The following DPF3 variants were observed in gnomAD, a reference collection of about 807,000 sequenced individuals.
DPF3 encodes the protein double PHD fingers 3.
In DPF3, 18 loss-of-function variants were observed where a neutral mutation model predicts 56.8. That is an observed-to-expected ratio of 0.32 (90% CI 0.22 to 0.47). DPF3 has a LOEUF of 0.47. Ranked by LOEUF, DPF3 falls within the 20% of genes least tolerant of loss-of-function variation. DPF3 has a pLI of 1.00. For missense variants in DPF3, 403 were observed against 488.8 expected, an observed-to-expected ratio of 0.82 and a Z score of 1.65; for synonymous variants, 188 against 180.2, an observed-to-expected ratio of 1.04 and a Z score of -0.35.
At chr14:72,876,238 C>T (rs931642903) in intron 1 of DPF3, among the ~76,000 whole-genome samples, 1 of 152,170 alleles carries the variant, frequency 6.6e-6, no homozygotes, top group Non-Finnish European at 1.5e-5. Flanking sequence ...AGTGTGGGCC[C>T]CACAGGGTGT....
At position 72,613,093 on chromosome 14, in the gene DPF3, A is replaced by G. The variant is rs538566500; in HGVS notation, c.*6204T>C. Among the ~76,000 whole-genome samples the G allele has an allele frequency of 5.9e-5, 9 of 152,276 alleles. No individual in the cohort carries two copies. In the South Asian group the frequency reaches 1.7e-3, roughly 28 times the overall value. On this transcript the variant is annotated 3_prime_UTR_variant, in exon 11 of 11. Coordinates refer to ENST00000556509, the MANE Select transcript of DPF3 (RefSeq NM_001280542.3). Reference sequence around the variant, plus strand: ...ATTCCTGTTCTCATCATCAATATTCATAACATTGAAATGAAGAACAGAGAT... The same window carrying G: ...ATTCCTGTTCTCATCATCAATATTCGTAACATTGAAATGAAGAACAGAGAT...
chr14:72,707,095 C>A (rs1023529442), intron 6 of DPF3, among the ~76,000 whole-genome samples: 1 of 151,696 alleles, frequency 6.6e-6, no homozygotes, highest in Non-Finnish European at 1.5e-5. Flanking sequence ...TTTGTTCTTG[C>A]GATAGTTTAC....
intron 8 of DPF3, among the ~76,000 whole-genome samples, chr14:72,645,249 G>A (rs1279987655): frequency 3.3e-5 from 5 of 151,976 alleles, no homozygotes; most frequent in Admixed American, 3.3e-4. Context: ...GTATTGCTAC[G>A]GTCACATACT....
chr14:72,731,913 T>C lies in DPF3; in HGVS notation c.323A>G (p.Lys108Arg). Residue 108 changes from lysine (K) to arginine (R), a missense_variant, in exon 4 of 11, where the codon AAG becomes AGG. By Grantham distance (26) the Lys-to-Arg change is conservative. Around this residue, in one of 2 missense-constraint regions of DPF3, gnomAD observed 340 missense variants for 374.3 expected, o/e 0.91. Transcript: ENST00000556509. ...IKPEVELPLK[K>R]DGFTSESTTL... ...GGTGCTCTCTGAGGTGAACCCATCC[T>C]TCTTCAGGGGAAGCTCCACTTCTGA... 1 of 1,594,010 alleles carries C rather than the reference T, an allele frequency of 6.3e-7. No individual in the cohort carries two copies. Among genetic ancestry groups the C allele is most frequent in the Non-Finnish European group, 8.5e-7 (1 of 1,170,150 alleles).
At chr14:72,860,964 C>G (rs1885371316) in intron 1 of DPF3, among the ~76,000 whole-genome samples, 1 of 151,924 alleles carries the variant, frequency 6.6e-6, no homozygotes, top group Admixed American at 6.6e-5. Flanking sequence ...TTAGGCTTCC[C>G]CAAGTAGGAA....
At chr14:72,776,882 G>A (rs1314670706) in intron 1 of DPF3, among the ~76,000 whole-genome samples, 1 of 149,338 alleles carries the variant, frequency 6.7e-6, no homozygotes, top group African/African-American at 2.4e-5. Flanking sequence ...GGGGGTGGGG[G>A]CCGAGGCTAT....
Position 72,693,146 on chromosome 14 carries a change from G to C in DPF3, c.672C>G (p.Ser224Arg). The C allele has an allele frequency of 1.2e-6, 2 of 1,613,952 alleles. No homozygotes were observed. Among genetic ancestry groups the C allele is most frequent in the South Asian group, 2.2e-5 (2 of 91,080 alleles). Residue 224 changes from serine (S) to arginine (R), a missense_variant, in exon 7 of 11, where the codon AGC (serine) becomes AGG (arginine). Physicochemically the swap from Ser to Arg is moderately radical, Grantham distance 110 (BLOSUM62 -1). Transcript: ENST00000556509. Reference sequence around the variant, plus strand: ...GGTCTTGAGCTTCATCCCCCTCCTCGCTGGCCAGGTGAGTGTGAGCATAGT... The same window carrying C: ...GGTCTTGAGCTTCATCCCCCTCCTCCCTGGCCAGGTGAGTGTGAGCATAGT... ...SYHYAHTHLA[S>R]EEGDEAQDQE...
intron 7 of DPF3, among the ~76,000 whole-genome samples, chr14:72,677,588 A>G (rs1166424545): frequency 1.3e-5 from 2 of 150,896 alleles, no homozygotes; most frequent in African/African-American, 4.9e-5. Flanking sequence ...GACCAGGTCT[A>G]ACCCGTTGTT....
At chr14:72,820,237 TATTCTTAATATACAAA>T (rs140670825) in intron 1 of DPF3, among the ~76,000 whole-genome samples, 4 of 152,304 alleles carry the variant, frequency 2.6e-5, no homozygotes, top group Admixed American at 6.5e-5. Context: ...GACAAATTAA[TATTCTTAATATACAAA>T]ATGTCATGCA....
At chr14:72,834,126 C>A (rs1195564535) in intron 1 of DPF3, among the ~76,000 whole-genome samples, 1 of 151,360 alleles carries the variant, frequency 6.6e-6, no homozygotes, top group African/African-American at 2.4e-5. Flanking sequence ...TGCCGTGAGC[C>A]GAGACTGCGC....
chr14:72,799,682 T>C (rs1380934981), intron 1 of DPF3, among the ~76,000 whole-genome samples: 1 of 152,038 alleles, frequency 6.6e-6, no homozygotes, highest in Non-Finnish European at 1.5e-5. Context: ...CCCTTAGTGA[T>C]CCGTTCAAGA....
In DPF3 at chr14:72,636,604, C is replaced by T. The variant is rs1885390028; in HGVS notation, c.872-6868G>A. The stretch of plus-strand genomic sequence containing the variant: ...AAGGGATGGACCAATTCTGAGCAAT[C>T]AAAAGTTCAACTCCTTTATGTATAT... On this transcript the variant is annotated intron_variant, in intron 8 of 10. Coordinates refer to ENST00000556509, the MANE Select transcript of DPF3 (RefSeq NM_001280542.3). Among the ~76,000 whole-genome samples, 3 of 152,164 alleles carry T rather than the reference C, an allele frequency of 2.0e-5. No homozygotes were observed. In the South Asian group the frequency reaches 6.2e-4, roughly 32 times the overall value.
At chr14:72,629,024 G>A (rs1172031268) in intron 9 of DPF3, among the ~76,000 whole-genome samples, 1 of 152,134 alleles carries the variant, frequency 6.6e-6, no homozygotes, top group African/African-American at 2.4e-5. Flanking sequence ...CAAATAAACA[G>A]GCTGTAATAG....
chr14:72,709,631 G>A (rs1888569264), intron 6 of DPF3, among the ~76,000 whole-genome samples: 2 of 152,124 alleles, frequency 1.3e-5, no homozygotes, highest in Non-Finnish European at 1.5e-5. Context: ...TATGTAAGGG[G>A]CAGTTAGTAT....
rs1267897867 is a variant in DPF3 at position 72,609,526 on chromosome 14, TGA to T, written c.*9769_*9770del. 1.6e-4 allele frequency among the ~76,000 whole-genome samples: 24 copies of T among 152,186 alleles called. No individual in the cohort carries two copies. The highest frequency in any genetic ancestry group is 4.4e-5 in the Non-Finnish European group (3 of 68,036). ...GCCTCAATCTCCAACACTGAAACAC[TGA>T]GAGAGCTTGATACGTTCCTTAGGCA... On this transcript the variant is annotated 3_prime_UTR_variant, in exon 11 of 11. Transcript: ENST00000556509.
intron 1 of DPF3, among the ~76,000 whole-genome samples, chr14:72,853,626 C>T (rs1245557801): frequency 1.3e-5 from 2 of 152,010 alleles, no homozygotes; most frequent in Non-Finnish European, 2.9e-5. Flanking sequence ...AGGCGCGGAC[C>T]ACCATGCCTG....
chr14:72,874,462 G>A (rs1249142646), intron 1 of DPF3, among the ~76,000 whole-genome samples: 2 of 151,012 alleles, frequency 1.3e-5, no homozygotes, highest in Admixed American at 6.6e-5. Flanking sequence ...CTAGGCAACA[G>A]AGCAAGACTC....
In DPF3 at chr14:72,894,053, T is replaced by A; in HGVS notation, c.32+4A>T. 6.2e-7 allele frequency: 1 copy of A among 1,610,798 alleles called. No individual in the cohort carries two copies. The highest frequency in any genetic ancestry group is 8.5e-7 in the Non-Finnish European group (1 of 1,178,844). ...GAATATGTACATTTTTTAGTCTTAC[T>A]TACGCTTTCAGGGGGTTGTGAATGA... On this transcript the variant is annotated splice_donor_region_variant and intron_variant, in intron 1 of 10. Transcript: ENST00000556509.
At chr14:72,777,029 G>C (rs1453635071) in intron 1 of DPF3, among the ~76,000 whole-genome samples, 1 of 152,186 alleles carries the variant, frequency 6.6e-6, no homozygotes, top group Non-Finnish European at 1.5e-5. Context: ...CCCCTTTGCT[G>C]TGTAAACAGG....
Sources: gnomAD v4.1 joint callset for allele counts (sites outside exome capture counted in the v4.1 genomes callset) on GRCh38, gnomAD v4.1.1 for gene constraint, gnomAD v4.1.1 regional missense constraint, MANE v1.5 for transcripts, NCBI Gene and HGNC (gene_info 2026-07-23, HGNC 2026-07-21) for gene names.